The following CCDC32 variants were observed in gnomAD, a reference collection of about 807,000 sequenced individuals.
CCDC32 encodes the protein coiled-coil domain containing 32.
A neutral mutation model predicts 20.1 loss-of-function variants in CCDC32; 9 were observed. That is an observed-to-expected ratio of 0.45 (90% CI 0.27 to 0.78). The LOEUF is 0.78. Among genes scored for constraint, CCDC32 ranks in the 30% least tolerant of loss-of-function variants. The probability of loss-of-function intolerance (pLI) is 0.16; values close to 1 mark genes in which losing one functional copy is unlikely to be tolerated. For synonymous variants in CCDC32, 63 were observed against 79.0 expected (o/e 0.80, Z 1.07); for missense variants, 204 against 215.5 (o/e 0.95, Z 0.33).
At chr15:40,549,287 G>A (rs2412530), downstream of CCDC32, among the ~76,000 whole-genome samples, 134,410 of 152,160 alleles carry the variant, frequency 0.88, 59,683 homozygotes, top group Non-Finnish European at 0.93. Context: ...CCTCTCGTCT[G>A]TCCCTCCTTT....
chr15:40,559,835 G>T (rs1890499230), intron 2 of CCDC32, among the ~76,000 whole-genome samples: 1 of 152,090 alleles, frequency 6.6e-6, no homozygotes, highest in South Asian at 2.1e-4. Flanking sequence ...ACAAATTGGG[G>T]AAAGGACATC....
chr15:40,546,599 C>T (rs867910619), intron 3 of CCDC32, among the ~76,000 whole-genome samples: 4 of 152,244 alleles, frequency 2.6e-5, no homozygotes, highest in Middle Eastern at 3.4e-3. Context: ...TATTTTAAGT[C>T]CCTCTGTGAT....
At chr15:40,532,714 C>CTTTTTTTT (rs1189285245), downstream of CCDC32, among the ~76,000 whole-genome samples, 7 of 91,464 alleles carry the variant, frequency 7.7e-5, 1 homozygote, top group East Asian at 3.7e-4. Context: ...TGTTTTCTTT[C>CTTTTTTTT]TTTTTTTTTT....
Position 40,554,142 on chromosome 15 carries a change from AAT to A in CCDC32, c.402-17_402-16del. 1.2e-6 allele frequency: 2 copies of A among 1,606,030 alleles called. No homozygotes were observed. The highest frequency in any genetic ancestry group is 1.7e-6 in the Non-Finnish European group (2 of 1,173,718). ...GTTCCAAGGTGCTATGAAAGGGCAG[AAT>A]AAAAGGGTGGCTGTGTCAGACCTCA... On this transcript the variant is annotated splice_polypyrimidine_tract_variant and intron_variant, in intron 3 of 3. Transcript: ENST00000416810.
downstream of CCDC32, among the ~76,000 whole-genome samples, chr15:40,530,155 T>G (rs1023702039): frequency 1.3e-5 from 2 of 150,860 alleles, no homozygotes; most frequent in African/African-American, 2.4e-5. Context: ...GAGCCAGGCG[T>G]GGTGGCACAT....
chr15:40,560,528 AC>A (rs1890550876), intron 2 of CCDC32, among the ~76,000 whole-genome samples: 1 of 152,228 alleles, frequency 6.6e-6, no homozygotes, highest in African/African-American at 2.4e-5. Flanking sequence ...AAAGAAAAAA[AC>A]AATCCCATCA....
downstream of CCDC32, among the ~76,000 whole-genome samples, chr15:40,523,744 C>A (rs1298800842): frequency 2.0e-5 from 3 of 152,016 alleles, no homozygotes; most frequent in African/African-American, 7.2e-5. Context: ...CAAATTAAAG[C>A]CACAGTGAAA....
rs903553775 is a variant in CCDC32 at position 40,539,238 on chromosome 15, C to T, written c.519G>A (p.Trp173Ter). ...CCTGCCTGGCCCGCCCTGGCTGTTA[C>T]CATGACGACTGCTGGGCTGGAAATG... Residue 173 changes from tryptophan (W) to a stop codon, truncating the protein, a stop_gained, in exon 4 of 4, where the codon TGG becomes TGA. Coordinates refer to the CCDC32 transcript ENST00000558113. LOFTEE classifies it high-confidence loss of function. 5.9e-6 allele frequency: 9 copies of T among 1,535,314 alleles called. No homozygotes were observed. Among genetic ancestry groups the T allele is most frequent in the Non-Finnish European group, 7.8e-6 (9 of 1,146,676 alleles).
At position 40,554,061 on chromosome 15, in the gene CCDC32, C is replaced by T. The variant is rs746135846; in HGVS notation, c.468G>A (p.Gln156=). The change falls in exon 4 of 4, where the codon CAG becomes CAA. Residue 156 remains glutamine (Q), a synonymous_variant. Coordinates refer to ENST00000416810, the MANE Select transcript of CCDC32 (RefSeq NM_001080792.4). Reference sequence around the variant, plus strand: ...CCTGTGACTCTGGAGGAATCAGATACTGGACCTCCTCTGTGCTGACGGCTA... The same window carrying T: ...CCTGTGACTCTGGAGGAATCAGATATTGGACCTCCTCTGTGCTGACGGCTA... ...DKVAVSTEEV[Q]YLIPPESQVE... is the part of the protein sequence containing the mutation. 9.9e-6 allele frequency: 16 copies of T among 1,613,878 alleles called. No individual in the cohort carries two copies. The highest frequency in any genetic ancestry group is 1.3e-5 in the Non-Finnish European group (15 of 1,180,022).
rs10152546 is a variant in CCDC32, at chr15:40,563,011, T to A, written c.5A>T (p.Lys2Ile). The change falls in exon 2 of 4, where the codon AAA becomes ATA. Residue 2 changes from lysine to isoleucine, a missense_variant. Coordinates refer to ENST00000416810, the MANE Select transcript of CCDC32 (RefSeq NM_001080792.4). M[K>I]MFESADSTAT... is the part of the protein sequence containing the mutation. ...TGTAGAGTCAGCGCTCTCAAACATT[T>A]TCATTTGGAATCTGAGCTATAAAAC... is the stretch of plus-strand genomic sequence containing the variant. 661,223 of 1,613,512 alleles carry A rather than the reference T, an allele frequency of 0.41. 143,118 individuals are homozygous for A. The highest frequency in any genetic ancestry group is 0.45 in the Non-Finnish European group (536,503 of 1,179,724).
downstream of CCDC32, among the ~76,000 whole-genome samples, chr15:40,533,576 C>A (rs1888978765): frequency 6.6e-6 from 1 of 152,042 alleles, no homozygotes. Context: ...GAACTGCTGA[C>A]CTTGTAATCC....
At chr15:40,526,366 T>G (rs1452612896), downstream of CCDC32, among the ~76,000 whole-genome samples, 1 of 152,222 alleles carries the variant, frequency 6.6e-6, no homozygotes. Context: ...TGTAACTTGC[T>G]GTTTTTTCTT....
downstream of CCDC32, among the ~76,000 whole-genome samples, chr15:40,527,747 T>G (rs955816476): frequency 2.6e-5 from 4 of 152,224 alleles, no homozygotes; most frequent in African/African-American, 9.6e-5. Context: ...CACCATGTGG[T>G]GCTGTGCTCT....
intron 1 of CCDC32, among the ~76,000 whole-genome samples, chr15:40,563,823 T>G (rs934859975): frequency 1.1e-5 from 1 of 92,406 alleles, no homozygotes; most frequent in Non-Finnish European, 2.8e-5. Flanking sequence ...TCTTTCTTTC[T>G]TTCTTTTTTT....
chr15:40,558,815 T>TA (rs1890425746), intron 2 of CCDC32, among the ~76,000 whole-genome samples: 1 of 151,940 alleles, frequency 6.6e-6, no homozygotes, highest in African/African-American at 2.4e-5. Context: ...TCTTTTTTTT[T>TA]TTGAGACGGA....
downstream of CCDC32, chr15:40,531,679 A>G (rs1433440361): frequency 6.6e-6 from 1 of 152,060 alleles, no homozygotes; most frequent in Non-Finnish European, 1.5e-5. Flanking sequence ...CAGAGGCATG[A>G]TCACCACTCT....
In CCDC32 at chr15:40,553,949, T is replaced by C. The variant is rs1278652583; in HGVS notation, c.*22A>G. On this transcript the variant is annotated 3_prime_UTR_variant, in exon 4 of 4. Coordinates refer to ENST00000416810, the MANE Select transcript of CCDC32 (RefSeq NM_001080792.4). ...GTGTGTGTGTGTGTGTGTGTGTGTG[T>C]GTGTGTGTGTGTGTGTGTAATTTAC... is the stretch of plus-strand genomic sequence containing the variant. 2 of 1,042,344 alleles carry C rather than the reference T, an allele frequency of 1.9e-6. No individual in the cohort carries two copies. The highest frequency in any genetic ancestry group is 1.4e-6 in the Non-Finnish European group (1 of 724,522). The allele number at this position is 1,042,344 out of a possible 1,614,324, so 64.6% of individuals were successfully genotyped here.
At chr15:40,548,770 T>A (rs1889725078), downstream of CCDC32, among the ~76,000 whole-genome samples, 1 of 152,136 alleles carries the variant, frequency 6.6e-6, no homozygotes, top group African/African-American at 2.4e-5. Flanking sequence ...GGTGGAGTGC[T>A]TTCATGACCT....
intron 3 of CCDC32, among the ~76,000 whole-genome samples, chr15:40,554,912 C>T (rs541669922): frequency 6.6e-6 from 1 of 152,138 alleles, no homozygotes; most frequent in Non-Finnish European, 1.5e-5. Context: ...AGAAAGAATA[C>T]CATAACAGCA....
Sources: gnomAD v4.1 joint callset for allele counts (sites outside exome capture counted in the v4.1 genomes callset) on GRCh38, gnomAD v4.1.1 for gene constraint, MANE v1.5 for transcripts, NCBI Gene and HGNC (gene_info 2026-07-23, HGNC 2026-07-21) for gene names.